Variants in SLC12A3 observed in about 807,000 individuals in gnomAD.
The protein encoded by SLC12A3 is Na-Cl cotransporter.
Under a neutral mutation model 121.0 loss-of-function variants are expected in SLC12A3, and 104 were observed. That is an observed-to-expected ratio of 0.86 (90% CI 0.73 to 1.01). SLC12A3 has a LOEUF of 1.01. Among genes scored for constraint, SLC12A3 ranks in the 50% least tolerant of loss-of-function variants. SLC12A3 has a pLI of 0.00. For missense variants in SLC12A3, 1,328 were observed against 1,356.3 expected, an observed-to-expected ratio of 0.98 and a Z score of 0.33; for synonymous variants, 536 against 533.4, an observed-to-expected ratio of 1.00 and a Z score of -0.07.
Position 56,885,318 on chromosome 16 carries a change from T to A in SLC12A3, c.1879T>A (p.Tyr627Asn), listed in dbSNP as rs780729909. The A allele has an allele frequency of 6.4e-7, 1 of 1,556,288 alleles. No individual in the cohort carries two copies. The highest frequency in any genetic ancestry group is 8.7e-7 in the Non-Finnish European group (1 of 1,149,504). ...QAGSYNLALS[Y>N]SVGLNEVEDH... ...TGGCTCCTACAACCTGGCCCTCAGC[T>A]ACTCGGTGGGCCTCAATGAGGTGGA... The change falls in exon 15 of 26, where the codon TAC becomes AAC. Residue 627 changes from tyrosine (Y) to asparagine (N), a missense_variant. Tyr to Asn is a moderately radical substitution (Grantham distance 143). Transcript: ENST00000563236.
intron 22 of SLC12A3, among the ~76,000 whole-genome samples, chr16:56,899,068 T>C (rs1246168807): frequency 6.6e-6 from 1 of 152,216 alleles, no homozygotes; most frequent in African/African-American, 2.4e-5. Flanking sequence ...ACTTTTCCGT[T>C]TCACTTGTCA....
rs778675728 is a variant in SLC12A3 at position 56,886,443 on chromosome 16, C to T, written c.2005C>T (p.Leu669Phe). ...VDFVGTFTRN[L>F]SLMICGHVLI... ...CTTTGTGGGCACCTTCACCCGGAAC[C>T]TCAGCCTGATGATCTGTGGCCACGT... The change falls in exon 16 of 26, where the codon CTC (leucine) becomes TTC (phenylalanine). Residue 669 changes from leucine to phenylalanine, a missense_variant. Physicochemically the swap from Leu to Phe is conservative, Grantham distance 22. Coordinates refer to ENST00000563236, the MANE Select transcript of SLC12A3 (RefSeq NM_001126108.2). 6.2e-7 allele frequency: 1 copy of T among 1,614,064 alleles called. No homozygotes were observed. Among genetic ancestry groups the T allele is most frequent in the Non-Finnish European group, 8.5e-7 (1 of 1,180,024 alleles).
chr16:56,879,646 C>T lies in SLC12A3; in HGVS notation c.1440C>T (p.Phe480=), dbSNP rs376293308. ...GCCTTGTCTCTGCTGCCAAAGTCTT[C>T]CAGGTGAGGCCGCAGAAAGGGGTCG... is the stretch of plus-strand genomic sequence containing the variant. ...LACLVSAAKV[F]QCLCEDQLYP... is the part of the protein sequence containing the mutation. Residue 480 remains phenylalanine, a synonymous_variant, in exon 11 of 26, where the codon TTC becomes TTT. Transcript: ENST00000563236. The T allele has an allele frequency of 1.9e-6, 3 of 1,610,542 alleles. No homozygotes were observed. In the African/African-American group the frequency reaches 4.0e-5, roughly 22 times the overall value.
intron 8 of SLC12A3, among the ~76,000 whole-genome samples, chr16:56,876,378 G>T (rs997211926): frequency 6.6e-6 from 1 of 152,200 alleles, no homozygotes; most frequent in African/African-American, 2.4e-5. Flanking sequence ...GTGGGAGGCT[G>T]GTGTGTTCTG....
intron 21 of SLC12A3, among the ~76,000 whole-genome samples, chr16:56,893,691 C>T (rs1206142185): frequency 6.6e-6 from 1 of 152,186 alleles, no homozygotes; most frequent in African/African-American, 2.4e-5. Context: ...ATGAGGGCTC[C>T]CACACGCTGG....
At chr16:56,886,302 C>T (rs534231155) in intron 15 of SLC12A3, 62 bp from the exon 16 acceptor site, 52 of 1,277,518 alleles carry the variant, frequency 4.1e-5, no homozygotes, top group South Asian at 2.1e-4. Context: ...AGGTGCCTTT[C>T]GCACCCAGAC....
intron 23 of SLC12A3, among the ~76,000 whole-genome samples, chr16:56,899,947 C>A (rs1366516226): frequency 6.6e-6 from 1 of 152,226 alleles, no homozygotes; most frequent in Non-Finnish European, 1.5e-5. Context: ...TAAGCAAACC[C>A]CTGTGTGAAT....
At chr16:56,882,294 G>C (rs1292329462) in intron 12 of SLC12A3, 102 bp from the exon 13 acceptor site, 3 of 871,036 alleles carry the variant, frequency 3.4e-6, no homozygotes, top group African/African-American at 1.6e-5. Flanking sequence ...ACTGAGCCTT[G>C]GTGGCCTGTC....
chr16:56,913,261 C>A lies in SLC12A3; in HGVS notation c.2925-3C>A, dbSNP rs774600732. On this transcript the variant is annotated splice_polypyrimidine_tract_variant and splice_region_variant and intron_variant, in intron 25 of 25. Transcript: ENST00000563236. Reference sequence around the variant, plus strand: ...TCTTCTACCACTTTTTCATGCCTTGCAGCACTTTGCCCATAGGGAGGAAGG... The same window carrying A: ...TCTTCTACCACTTTTTCATGCCTTGAAGCACTTTGCCCATAGGGAGGAAGG... The A allele has an allele frequency of 8.1e-6, 13 of 1,614,026 alleles. No homozygotes were observed. The highest frequency in any genetic ancestry group is 1.1e-5 in the Non-Finnish European group (13 of 1,180,026).
intron 25 of SLC12A3, among the ~76,000 whole-genome samples, chr16:56,907,847 G>GC (rs1423209925): frequency 6.6e-6 from 1 of 152,168 alleles, no homozygotes; most frequent in African/African-American, 2.4e-5. Flanking sequence ...TGTGAATTTT[G>GC]GGGGGACATG....
In SLC12A3 at chr16:56,886,353, T is replaced by G; in HGVS notation, c.1926-11T>G. 6.2e-7 allele frequency: 1 copy of G among 1,606,236 alleles called. No homozygotes were observed. Among genetic ancestry groups the G allele is most frequent in the Non-Finnish European group, 8.5e-7 (1 of 1,173,076 alleles). On this transcript the variant is annotated splice_polypyrimidine_tract_variant and intron_variant, in intron 15 of 25. Coordinates refer to ENST00000563236, the MANE Select transcript of SLC12A3 (RefSeq NM_001126108.2). ...CCTGATGGCTCCTGCCCTTTTCCCT[T>G]CCCTCCTCAGCCCCCAGTGCCTGGT...
At chr16:56,893,980 TTTATTTA>T (rs2055427617) in intron 21 of SLC12A3, among the ~76,000 whole-genome samples, 1 of 90,092 alleles carries the variant, frequency 1.1e-5, no homozygotes, top group African/African-American at 9.5e-5. Flanking sequence ...ATTTTATTTA[TTTATTTA>T]TTTATTTATT....
chr16:56,877,114 G>T (rs762301149), intron 8 of SLC12A3, among the ~76,000 whole-genome samples: 1 of 152,178 alleles, frequency 6.6e-6, no homozygotes, highest in Non-Finnish European at 1.5e-5. Context: ...ACGAGCGGCC[G>T]GGCGCGGGGG....
At chr16:56,889,625 C>G (rs1398885766) in intron 18 of SLC12A3, among the ~76,000 whole-genome samples, 2 of 152,186 alleles carry the variant, frequency 1.3e-5, no homozygotes, top group Non-Finnish European at 1.5e-5. Flanking sequence ...AGGTGCCCAC[C>G]ACCACGCCCG....
chr16:56,882,299 C>A lies in SLC12A3; in HGVS notation c.1568-97C>A. On this transcript the variant is annotated intron_variant, in intron 12 of 25. Transcript: ENST00000563236. ...GTTGAGACTGACTGAGCCTTGGTGGCCTGTCTGGGGTCCCCCACCCTGGGA... is the reference window on the plus strand; with the variant it reads ...GTTGAGACTGACTGAGCCTTGGTGGACTGTCTGGGGTCCCCCACCCTGGGA... The A allele has an allele frequency of 3.2e-6, 3 of 939,720 alleles. No individual in the cohort carries two copies. The East Asian group carries it at 7.2e-5, about 22-fold the overall frequency. 58.2% of individuals were successfully genotyped at this position (939,720 alleles called of 1,614,324 possible). A position where few individuals can be genotyped will look rare whatever the true frequency, so the allele number is the denominator to read the frequency against.
At chr16:56,874,133 C>T (rs13330096) in intron 8 of SLC12A3, among the ~76,000 whole-genome samples, 29,311 of 152,218 alleles carry the variant, frequency 0.19, 2,971 homozygotes, top group East Asian at 0.31. Context: ...ATCTGGAGAA[C>T]GGAGACTTGC....
chr16:56,912,211 G>A (rs1212380395), intron 25 of SLC12A3, among the ~76,000 whole-genome samples: 1 of 152,384 alleles, frequency 6.6e-6, no homozygotes, highest in Non-Finnish European at 1.5e-5. Flanking sequence ...TGCGGCACCA[G>A]CTGGACCTGT....
chr16:56,901,676 C>T (rs766018352), intron 23 of SLC12A3, among the ~76,000 whole-genome samples: 13 of 143,206 alleles, frequency 9.1e-5, no homozygotes, highest in Non-Finnish European at 1.8e-4. Context: ...ATGTGAGTCA[C>T]ATCGCACAGA....
chr16:56,878,059 T>TCCCCCCCCCCC lies in SLC12A3; in HGVS notation c.1096-17_1096-16insCCCCCCCCCCC. ...CTCTCCCTCCCTCCCTCCCTCCCTCTCTCCCTCCCTCCTTCAGGACCCTGC... is the reference window on the plus strand; with the variant it reads ...CTCTCCCTCCCTCCCTCCCTCCCTCTCCCCCCCCCCCCTCCCTCCCTCCTTCAGGACCCTGC... On this transcript the variant is annotated splice_polypyrimidine_tract_variant and intron_variant, in intron 8 of 25. Coordinates refer to ENST00000563236, the MANE Select transcript of SLC12A3 (RefSeq NM_001126108.2). 1 of 257,858 alleles carries TCCCCCCCCCCC rather than the reference T, an allele frequency of 3.9e-6. No individual in the cohort carries two copies. The highest frequency in any genetic ancestry group is 7.0e-6 in the Non-Finnish European group (1 of 142,948). The allele number at this position is 257,858 out of a possible 1,614,324, so 16.0% of individuals were successfully genotyped here.
Sources: allele counts gnomAD v4.1 joint callset (sites outside exome capture counted in the v4.1 genomes callset), GRCh38; gene constraint gnomAD v4.1.1; transcripts MANE v1.5; gene names NCBI Gene and HGNC (gene_info 2026-07-23, HGNC 2026-07-21).